The following EYS variants were observed in gnomAD, a reference collection of about 807,000 sequenced individuals.
EYS encodes EGF-like photoreceptor maintenance factor.
Under a neutral mutation model 282.1 loss-of-function variants are expected in EYS, and 250 were observed. The observed-to-expected ratio is 0.89, with a 90% CI of 0.80 to 0.98. The LOEUF (loss-of-function observed/expected upper bound fraction) is 0.98. Ranked by LOEUF, EYS falls within the 50% of genes least tolerant of loss-of-function variation. EYS has a pLI of 0.00. For missense variants in EYS, 4,016 were observed against 3,709.0 expected, an observed-to-expected ratio of 1.08 and a Z score of -2.15; for synonymous variants, 1,355 against 1,282.9, an observed-to-expected ratio of 1.06 and a Z score of -1.20.
chr6:63,812,208 CAG>C (rs1771065441), intron 36 of EYS, among the ~76,000 whole-genome samples: 1 of 152,186 alleles, frequency 6.6e-6, no homozygotes, highest in South Asian at 2.1e-4. Context: ...CATTCTGCTG[CAG>C]CCATGCTAAC....
rs1018334028 is a variant in EYS, at chr6:64,610,686, G to A, written c.3684+6732C>T. On this transcript the variant is annotated intron_variant, in intron 24 of 42. Coordinates refer to ENST00000503581, the MANE Select transcript of EYS (RefSeq NM_001142800.2). Reference sequence around the variant, plus strand: ...CCCAAAGTGCTGGGGTTACAGGCATGAGCCACTGCAACAAGCAAGTTGTAA... The same window carrying A: ...CCCAAAGTGCTGGGGTTACAGGCATAAGCCACTGCAACAAGCAAGTTGTAA... Among the ~76,000 whole-genome samples, 6 of 152,254 alleles carry A rather than the reference G, an allele frequency of 3.9e-5. No individual in the cohort carries two copies. In the South Asian group the frequency reaches 1.2e-3, roughly 32 times the overall value.
intron 19 of EYS, among the ~76,000 whole-genome samples, chr6:64,841,025 C>A (rs1765548566): frequency 2.6e-5 from 4 of 151,934 alleles, no homozygotes; most frequent in South Asian, 4.1e-4. Context: ...TTTCTTATTG[C>A]CCCTGTACAA....
chr6:64,344,858 A>G (rs113090088), intron 29 of EYS, among the ~76,000 whole-genome samples: 4,949 of 152,288 alleles, frequency 0.032, 184 homozygotes, highest in African/African-American at 0.088. Flanking sequence ...AAATCTCAGC[A>G]TACAAAATCA....
In EYS at chr6:64,798,583, A is replaced by T. The variant is rs889904988; in HGVS notation, c.3443+14795T>A. On this transcript the variant is annotated intron_variant, in intron 22 of 42. Transcript: ENST00000503581. ...GCCTACAGACCTGGTTTGAAGATTCATTCTGCCTGTTTCTTTGTTTCTGGT... is the reference window on the plus strand; with the variant it reads ...GCCTACAGACCTGGTTTGAAGATTCTTTCTGCCTGTTTCTTTGTTTCTGGT... Among the ~76,000 whole-genome samples, 16 of 139,356 alleles carry T rather than the reference A, an allele frequency of 1.1e-4. No individual in the cohort carries two copies. The South Asian group carries it at 3.2e-3, about 28-fold the overall frequency. 91.4% of individuals were successfully genotyped at this position (139,356 alleles called of 152,430 possible).
intron 35 of EYS, among the ~76,000 whole-genome samples, chr6:63,979,317 G>A (rs1332230993): frequency 1.3e-5 from 2 of 151,908 alleles, no homozygotes; most frequent in Non-Finnish European, 2.9e-5. Context: ...TACAGAAAAT[G>A]TTTGCTAGCC....
chr6:63,963,344 CTT>C (rs1201383952), intron 35 of EYS, among the ~76,000 whole-genome samples: 1 of 151,704 alleles, frequency 6.6e-6, no homozygotes, highest in Non-Finnish European at 1.5e-5. Flanking sequence ...AACTCTTTAA[CTT>C]TATAAAAGAA....
intron 41 of EYS, among the ~76,000 whole-genome samples, chr6:63,736,695 G>A (rs1253348084): frequency 9.2e-5 from 14 of 152,208 alleles, no homozygotes; most frequent in East Asian, 5.8e-4. Flanking sequence ...CCATTTTCAC[G>A]ATATTGATTC....
chr6:64,907,661 G>A (rs1160717957), intron 16 of EYS, among the ~76,000 whole-genome samples: 1 of 152,070 alleles, frequency 6.6e-6, no homozygotes, highest in Non-Finnish European at 1.5e-5. Context: ...GTAGTTGACT[G>A]TACTGATTGA....
chr6:64,022,230 T>G (rs1769225977), intron 33 of EYS, among the ~76,000 whole-genome samples: 1 of 152,188 alleles, frequency 6.6e-6, no homozygotes, highest in African/African-American at 2.4e-5. Context: ...TAAAGGAGTT[T>G]GGATAACTTT....
At chr6:65,220,685 A>C (rs1766440603) in intron 12 of EYS, among the ~76,000 whole-genome samples, 1 of 152,186 alleles carries the variant, frequency 6.6e-6, no homozygotes, top group Admixed American at 6.5e-5. Context: ...ATACCCAAAA[A>C]TATGGAAGTG....
intron 31 of EYS, among the ~76,000 whole-genome samples, chr6:64,105,719 T>C (rs1044238545): frequency 9.9e-5 from 15 of 152,122 alleles, no homozygotes; most frequent in Non-Finnish European, 2.1e-4. Flanking sequence ...CTTCTTCCAT[T>C]TAATAACATT....
intron 26 of EYS, among the ~76,000 whole-genome samples, chr6:64,454,809 A>G (rs1050588800): frequency 6.6e-6 from 1 of 152,074 alleles, no homozygotes; most frequent in Non-Finnish European, 1.5e-5. Flanking sequence ...ACTCTAATTT[A>G]TATCCTTGTG....
intron 18 of EYS, among the ~76,000 whole-genome samples, chr6:64,891,188 T>G (rs1237321397): frequency 2.0e-5 from 3 of 151,802 alleles, no homozygotes; most frequent in African/African-American, 7.3e-5. Context: ...ATCATCGACA[T>G]TAACAGCAGC....
chr6:65,396,164 C>T (rs1159096269), intron 7 of EYS, among the ~76,000 whole-genome samples: 1 of 152,074 alleles, frequency 6.6e-6, no homozygotes, highest in East Asian at 1.9e-4. Flanking sequence ...TATTTATTTG[C>T]AACATTAGCA....
chr6:64,411,152 G>A (rs1161228443), intron 28 of EYS, among the ~76,000 whole-genome samples: 1 of 152,014 alleles, frequency 6.6e-6, no homozygotes, highest in Non-Finnish European at 1.5e-5. Flanking sequence ...AAGTATGACA[G>A]CTATTTAATG....
At chr6:64,584,520 C>G (rs1404073876) in intron 26 of EYS, among the ~76,000 whole-genome samples, 5 of 151,230 alleles carry the variant, frequency 3.3e-5, no homozygotes, top group Non-Finnish European at 1.5e-5. Context: ...ACTTACTCTC[C>G]CACCAATAGA....
intron 26 of EYS, among the ~76,000 whole-genome samples, chr6:64,582,719 C>T (rs1445825242): frequency 6.6e-6 from 1 of 151,820 alleles, no homozygotes; most frequent in Non-Finnish European, 1.5e-5. Context: ...TAAACTATCA[C>T]AATCACTCTA....
At chr6:64,797,053 GA>G (rs1197823126) in intron 22 of EYS, among the ~76,000 whole-genome samples, 1 of 152,048 alleles carries the variant, frequency 6.6e-6, no homozygotes, top group African/African-American at 2.4e-5. Flanking sequence ...CAAACAAGGA[GA>G]AAAATCTGAT....
At chr6:64,687,855 T>C (rs1165667717) in intron 22 of EYS, among the ~76,000 whole-genome samples, 2 of 151,944 alleles carry the variant, frequency 1.3e-5, no homozygotes, top group Non-Finnish European at 2.9e-5. Flanking sequence ...GGTCCTGGAA[T>C]TTTTTTTGGT....
Sources: gnomAD v4.1 joint callset for allele counts (sites outside exome capture counted in the v4.1 genomes callset) on GRCh38, gnomAD v4.1.1 for gene constraint, MANE v1.5 for transcripts, NCBI Gene and HGNC (gene_info 2026-07-23, HGNC 2026-07-21) for gene names.